The following CSMD1 variants were observed in gnomAD, a reference collection of about 807,000 sequenced individuals.
The protein encoded by CSMD1 is CUB and Sushi multiple domains 1, also known as CUB and sushi domain-containing protein 1.
In CSMD1, 213 loss-of-function variants were observed where a neutral mutation model predicts 417.5. That is an observed-to-expected ratio of 0.51 (90% CI 0.46 to 0.57). The LOEUF (loss-of-function observed/expected upper bound fraction) is 0.57. CSMD1 is among the 20% of genes least tolerant of loss of function. The pLI is 0.00. For synonymous variants in CSMD1, 2,862 were observed against 1,736.8 expected (o/e 1.65, Z -16.11); for missense variants, 6,923 against 4,529.7 (o/e 1.53, Z -15.17).
chr8:3,430,124 C>A (rs150594577), intron 12 of CSMD1, among the ~76,000 whole-genome samples: 7 of 152,226 alleles, frequency 4.6e-5, no homozygotes, highest in African/African-American at 1.2e-4. Context: ...TATATACACA[C>A]ATACATATAC....
intron 1 of CSMD1, among the ~76,000 whole-genome samples, chr8:4,902,719 T>C (rs1804968172): frequency 6.6e-6 from 1 of 152,016 alleles, no homozygotes; most frequent in Non-Finnish European, 1.5e-5. Flanking sequence ...TCTACATATA[T>C]CAAAATATAT....
At chr8:4,578,423 C>T (rs779531748) in intron 2 of CSMD1, among the ~76,000 whole-genome samples, 1 of 147,618 alleles carries the variant, frequency 6.8e-6, no homozygotes, top group East Asian at 2.0e-4. Context: ...TCATGATTCG[C>T]CCACCTCAGC....
rs1171127679 is a variant in CSMD1 at position 4,509,865 on chromosome 8, G to C, written c.303-89800C>G. 2.0e-5 allele frequency among the ~76,000 whole-genome samples: 3 copies of C among 152,244 alleles called. No homozygotes were observed. In the East Asian group the frequency reaches 5.8e-4, roughly 29 times the overall value. ...AAGATTCACAGCTGGTGCTTAGTAG[G>C]ACAAGAAGCCAGCTCCTGTCGCCCT... On this transcript the variant is annotated intron_variant, in intron 2 of 69. Coordinates refer to ENST00000635120, the MANE Select transcript of CSMD1 (RefSeq NM_033225.6).
intron 3 of CSMD1, among the ~76,000 whole-genome samples, chr8:4,370,054 T>C (rs573070059): frequency 1.3e-5 from 2 of 152,220 alleles, no homozygotes; most frequent in South Asian, 4.2e-4. Context: ...ATGAGGTATG[T>C]GCTTCAGTGT....
At chr8:3,474,197 G>C (rs1817276598) in intron 11 of CSMD1, among the ~76,000 whole-genome samples, 1 of 152,082 alleles carries the variant, frequency 6.6e-6, no homozygotes, top group South Asian at 2.1e-4. Context: ...GTGCATGTGA[G>C]GTTTATTGGC....
chr8:4,356,371 G>A (rs1266479720), intron 3 of CSMD1, among the ~76,000 whole-genome samples: 1 of 151,428 alleles, frequency 6.6e-6, no homozygotes, highest in Non-Finnish European at 1.5e-5. Context: ...TCCACTTGTT[G>A]ATTTATGGAC....
At chr8:3,266,999 T>C (rs1281419334) in intron 26 of CSMD1, among the ~76,000 whole-genome samples, 1 of 152,116 alleles carries the variant, frequency 6.6e-6, no homozygotes, top group African/African-American at 2.4e-5. Flanking sequence ...CTGACACTCA[T>C]ATGTGAACGA....
At chr8:4,300,285 G>A (rs1184475636) in intron 3 of CSMD1, among the ~76,000 whole-genome samples, 3 of 152,236 alleles carry the variant, frequency 2.0e-5, no homozygotes, top group African/African-American at 7.2e-5. Flanking sequence ...TCCTACACTT[G>A]GGCACAGATG....
chr8:3,204,134 G>A (rs181710007), intron 31 of CSMD1, among the ~76,000 whole-genome samples: 8 of 152,292 alleles, frequency 5.3e-5, no homozygotes, highest in Admixed American at 2.0e-4. Flanking sequence ...GTTATTCCAC[G>A]CTGAAGCTTT....
At chr8:3,803,089 T>C (rs1395096884) in intron 5 of CSMD1, among the ~76,000 whole-genome samples, 1 of 152,212 alleles carries the variant, frequency 6.6e-6, no homozygotes, top group Non-Finnish European at 1.5e-5. Flanking sequence ...TCTATCTCTA[T>C]CAAAATGCAG....
chr8:3,872,687 C>G (rs1038130326), intron 5 of CSMD1, among the ~76,000 whole-genome samples: 1 of 151,942 alleles, frequency 6.6e-6, no homozygotes, highest in Non-Finnish European at 1.5e-5. Flanking sequence ...CATGAAGAGC[C>G]TCGTGCTACT....
chr8:4,820,631 T>G (rs1047772433), intron 1 of CSMD1, among the ~76,000 whole-genome samples: 1 of 152,168 alleles, frequency 6.6e-6, no homozygotes, highest in Non-Finnish European at 1.5e-5. Context: ...AATTTTGAGT[T>G]GAAAAATTCA....
At chr8:4,141,359 G>A (rs985198507) in intron 3 of CSMD1, among the ~76,000 whole-genome samples, 1 of 151,218 alleles carries the variant, frequency 6.6e-6, no homozygotes, top group African/African-American at 2.5e-5. Context: ...TGCTCATGAA[G>A]CTTGTATGCT....
chr8:3,915,988 A>G (rs1808796798), intron 5 of CSMD1, among the ~76,000 whole-genome samples: 1 of 151,728 alleles, frequency 6.6e-6, no homozygotes, highest in Non-Finnish European at 1.5e-5. Flanking sequence ...GAGATTCATA[A>G]GATTGATATA....
chr8:4,223,832 T>C (rs1801189390), intron 3 of CSMD1, among the ~76,000 whole-genome samples: 1 of 152,222 alleles, frequency 6.6e-6, no homozygotes, highest in African/African-American at 2.4e-5. Flanking sequence ...TTTTCTTTTT[T>C]TGTTGAGACT....
intron 1 of CSMD1, among the ~76,000 whole-genome samples, chr8:4,856,252 G>A (rs1169988241): frequency 7.2e-6 from 1 of 139,420 alleles, no homozygotes; most frequent in Admixed American, 7.1e-5. Context: ...CCTTACAAGA[G>A]CTCCTGAAGG....
chr8:4,710,550 A>C (rs543411319), intron 1 of CSMD1, among the ~76,000 whole-genome samples: 1 of 150,550 alleles, frequency 6.6e-6, no homozygotes, highest in East Asian at 2.0e-4. Flanking sequence ...TGGTTATTTA[A>C]AAAGAAAAAT....
At chr8:4,012,387 C>G (rs953824438) in intron 4 of CSMD1, among the ~76,000 whole-genome samples, 2 of 152,142 alleles carry the variant, frequency 1.3e-5, no homozygotes, top group African/African-American at 4.8e-5. Context: ...CCTTGTTGAT[C>G]TCATCCAGTT....
At chr8:4,634,704 C>G (rs1462537370) in intron 2 of CSMD1, among the ~76,000 whole-genome samples, 1 of 152,162 alleles carries the variant, frequency 6.6e-6, no homozygotes, top group East Asian at 1.9e-4. Context: ...AAACGAATAG[C>G]ATTAGAGTGC....
Sources: gnomAD v4.1 joint callset for allele counts (sites outside exome capture counted in the v4.1 genomes callset) on GRCh38, gnomAD v4.1.1 for gene constraint, MANE v1.5 for transcripts, NCBI Gene and HGNC (gene_info 2026-07-23, HGNC 2026-07-21) for gene names.